The following SMIM27 variants were observed in gnomAD, a reference collection of about 807,000 sequenced individuals.
SMIM27 encodes transition zone microprotein 1.
SMIM27 carries 3 observed loss-of-function variants against 1.8 expected under a neutral mutation model. The ratio of observed to expected loss-of-function variants is 1.65; its 90% CI spans 0.75 to 4.28. The LOEUF is 4.28. Ranked by LOEUF, SMIM27 falls within the 30% of genes most tolerant of loss-of-function variation. The pLI is 0.02. For synonymous variants in SMIM27, 19 were observed against 13.9 expected (o/e 1.37, Z -0.82); for missense variants, 63 against 37.0 (o/e 1.70, Z -1.83).
chr9:32,556,314 G>A (rs1165227367), downstream of SMIM27, among the ~76,000 whole-genome samples: 3 of 152,184 alleles, frequency 2.0e-5, no homozygotes, highest in Non-Finnish European at 2.9e-5. Context: ...CAGAAGTGAT[G>A]TAAGCTACTT....
chr9:32,557,750 T>TCC (rs1821508390), downstream of SMIM27, among the ~76,000 whole-genome samples: 1 of 152,124 alleles, frequency 6.6e-6, no homozygotes, highest in Non-Finnish European at 1.5e-5. Context: ...GTGCTGGGAT[T>TCC]ACACGCGTGA....
At chr9:32,558,324 A>G (rs767117967) in intron 1 of SMIM27, among the ~76,000 whole-genome samples, 4 of 151,754 alleles carry the variant, frequency 2.6e-5, no homozygotes, top group Admixed American at 6.6e-5. Flanking sequence ...TGTTAGCCAG[A>G]ATGGTCTCGA....
intron 1 of SMIM27, among the ~76,000 whole-genome samples, chr9:32,561,865 C>T (rs185926534): frequency 1.3e-4 from 20 of 152,332 alleles, no homozygotes; most frequent in Admixed American, 8.5e-4. Context: ...TCTACTAAAA[C>T]GCAATGGCCT....
At chr9:32,551,865 G>A (rs990735416), upstream of SMIM27, 46 of 418,622 alleles carry the variant, frequency 1.1e-4, no homozygotes, top group African/African-American at 7.5e-4. Context: ...CGTTTCTGAA[G>A]AATGGCTCGA....
At chr9:32,555,625 A>C (rs1466112900), downstream of SMIM27, among the ~76,000 whole-genome samples, 1 of 152,246 alleles carries the variant, frequency 6.6e-6, no homozygotes, top group Non-Finnish European at 1.5e-5. Context: ...TGGACAAACC[A>C]AACATATAGT....
downstream of SMIM27, among the ~76,000 whole-genome samples, chr9:32,557,338 AT>A (rs36050969): frequency 0.59 from 86,220 of 145,768 alleles, 25,148 homozygotes; most frequent in Middle Eastern, 0.7. Flanking sequence ...TAATTTTTGT[AT>A]TTTTTTTTTA....
At chr9:32,552,158 C>T (rs1821287456), upstream of SMIM27, 4 of 514,040 alleles carry the variant, frequency 7.8e-6, no homozygotes, top group Admixed American at 1.5e-4. Flanking sequence ...GGAGGTACGC[C>T]TATCTCCTTA....
In SMIM27 at chr9:32,552,383, G is replaced by GT. The variant is rs753785251; in HGVS notation, c.-51dup. ...GGCAGCCACCGCCTGGGAGGTTACT[G>GT]TAAGGCCCGCAGCTCCCGCCAGCTC... On this transcript the variant is annotated 5_prime_UTR_variant, in exon 1 of 2. It removes the in-frame stop codon of an upstream open reading frame in the 5' UTR. Transcript: ENST00000692500. 2.0e-4 allele frequency: 327 copies of GT among 1,604,842 alleles called. No individual in the cohort carries two copies. Among genetic ancestry groups the GT allele is most frequent in the Middle Eastern group, 1.2e-3 (7 of 5,976 alleles).
intron 1 of SMIM27, among the ~76,000 whole-genome samples, chr9:32,562,335 C>T (rs990316613): frequency 3.3e-5 from 5 of 152,148 alleles, no homozygotes; most frequent in Non-Finnish European, 7.3e-5. Flanking sequence ...GCTTAATCTG[C>T]TTAGTACACG....
upstream of SMIM27, chr9:32,551,806 G>A (rs1265717272): frequency 1.3e-5 from 6 of 451,332 alleles, no homozygotes; most frequent in South Asian, 4.7e-5. Flanking sequence ...ACATTATGGC[G>A]GGTAACGCGT....
At chr9:32,556,930 C>A (rs12006078), downstream of SMIM27, among the ~76,000 whole-genome samples, 2,615 of 143,720 alleles carry the variant, frequency 0.018, 76 homozygotes, top group African/African-American at 0.063. Flanking sequence ...TGGCTCACTG[C>A]AACCTCTGCC....
chr9:32,552,174 CAA>C (rs35415231), upstream of SMIM27: 62,754 of 477,716 alleles, frequency 0.13, 7 homozygotes, highest in East Asian at 0.18. Flanking sequence ...CCTTAGTTGG[CAA>C]AAAAAAAAAA....
upstream of SMIM27, chr9:32,551,924 T>C: frequency 6.3e-6 from 2 of 317,566 alleles, no homozygotes; most frequent in Non-Finnish European, 1.3e-5. Flanking sequence ...GAGTGGGTGG[T>C]ATTTTTACGT....
intron 1 of SMIM27, among the ~76,000 whole-genome samples, chr9:32,559,640 C>A (rs1036012577): frequency 5.3e-5 from 8 of 152,100 alleles, no homozygotes; most frequent in African/African-American, 9.7e-5. Flanking sequence ...TACTGCTTGA[C>A]CTGTATCTTC....
chr9:32,557,162 C>CTTT (rs34291462), downstream of SMIM27, among the ~76,000 whole-genome samples: 1 of 129,232 alleles, frequency 7.7e-6, no homozygotes. Flanking sequence ...CTGGCCCCCA[C>CTTT]TTTTTTTTTT....
chr9:32,554,517 T>C (rs1821401123), downstream of SMIM27, among the ~76,000 whole-genome samples: 1 of 152,194 alleles, frequency 6.6e-6, no homozygotes, highest in Non-Finnish European at 1.5e-5. Context: ...TTAAGACAGA[T>C]TATTCAATTT....
chr9:32,555,628 CAT>C (rs1170105784), downstream of SMIM27, among the ~76,000 whole-genome samples: 2 of 152,214 alleles, frequency 1.3e-5, no homozygotes, highest in Admixed American at 6.5e-5. Context: ...ACAAACCAAA[CAT>C]ATAGTTTACA....
intron 1 of SMIM27, among the ~76,000 whole-genome samples, chr9:32,565,919 C>A (rs1048855131): frequency 3.3e-5 from 5 of 152,082 alleles, no homozygotes; most frequent in African/African-American, 1.2e-4. Context: ...TTGCAGTGAG[C>A]CAGGATCACA....
At chr9:32,553,786 T>C, downstream of SMIM27, 1 of 864,492 alleles carries the variant, frequency 1.2e-6, no homozygotes, top group Non-Finnish European at 1.9e-6. Flanking sequence ...GATTAAACTT[T>C]ATTAAAGTTA....
Sources: allele counts gnomAD v4.1 joint callset (sites outside exome capture counted in the v4.1 genomes callset), GRCh38; gene constraint gnomAD v4.1.1; transcripts MANE v1.5; gene names NCBI Gene and HGNC (gene_info 2026-07-23, HGNC 2026-07-21).